The following IFRD2 variants were observed in gnomAD, a reference collection of about 807,000 sequenced individuals.
The protein encoded by IFRD2 is interferon related developmental regulator 2.
A neutral mutation model predicts 49.2 loss-of-function variants in IFRD2; 35 were observed. The ratio of observed to expected loss-of-function variants is 0.71; its 90% CI spans 0.54 to 0.94. IFRD2 has a LOEUF of 0.94. Ranked by LOEUF, IFRD2 falls within the 40% of genes least tolerant of loss-of-function variation. The pLI is 0.00. For missense variants in IFRD2, 561 were observed against 591.6 expected (o/e 0.95, Z 0.54); for synonymous variants, 275 against 239.7 (o/e 1.15, Z -1.36).
chr3:50,289,703 A>G lies in IFRD2; in HGVS notation c.597+9T>C. The G allele has an allele frequency of 6.3e-7, 1 of 1,599,664 alleles. No homozygotes were observed. Among genetic ancestry groups the G allele is most frequent in the Non-Finnish European group, 8.5e-7 (1 of 1,173,536 alleles). Reference sequence around the variant, plus strand: ...GATGCTCTACCACCTGTGCCCAAAGACCCCTCACCTGGATGTCAGCGGCAG... The same window carrying G: ...GATGCTCTACCACCTGTGCCCAAAGGCCCCTCACCTGGATGTCAGCGGCAG... On this transcript the variant is annotated intron_variant, in intron 6 of 11. Coordinates refer to ENST00000417626, the MANE Select transcript of IFRD2 (RefSeq NM_006764.5).
At position 50,292,278 on chromosome 3, in the gene IFRD2, G is replaced by T. The variant is rs1553709916; in HGVS notation, c.-4C>A. On this transcript the variant is annotated 5_prime_UTR_variant, in exon 1 of 12. Coordinates refer to ENST00000417626, the MANE Select transcript of IFRD2 (RefSeq NM_006764.5). ...TGCCCTTACGGGCGCGAGGCATGCC[G>T]GGAACCGGGCGCGGGGGGCGCGGGG... The T allele has an allele frequency of 1.3e-6, 2 of 1,552,484 alleles. No individual in the cohort carries two copies. Among genetic ancestry groups the T allele is most frequent in the Non-Finnish European group, 1.7e-6 (2 of 1,153,470 alleles).
chr3:50,288,118 C>G lies in IFRD2; in HGVS notation c.*73G>C. ...TAAAGTGACAAATACTGGTGGAGAC[C>G]AGTTGTTGCACTGTCTTCTGTTAAA... is the stretch of plus-strand genomic sequence containing the variant. On this transcript the variant is annotated 3_prime_UTR_variant, in exon 12 of 12. Coordinates refer to ENST00000417626, the MANE Select transcript of IFRD2 (RefSeq NM_006764.5). The G allele has an allele frequency of 8.0e-7, 1 of 1,245,418 alleles. No homozygotes were observed. Among genetic ancestry groups the G allele is most frequent in the South Asian group, 1.2e-5 (1 of 80,034 alleles). The allele number at this position is 1,245,418 out of a possible 1,614,324, so 77.1% of individuals were successfully genotyped here.
intron 6 of IFRD2, 22 bp from the exon 7 acceptor site, chr3:50,289,650 G>C: frequency 6.3e-7 from 1 of 1,596,666 alleles, no homozygotes; most frequent in Non-Finnish European, 8.5e-7. Context: ...GAGAGGCAGG[G>C]GAGCTCAGAG....
In IFRD2 at chr3:50,288,138, G is replaced by C; in HGVS notation, c.*53C>G. ...GAGACCAGTTGTTGCACTGTCTTCT[G>C]TTAAAAATACGGACCAAGGGCATAG... On this transcript the variant is annotated 3_prime_UTR_variant, in exon 12 of 12. Coordinates refer to ENST00000417626, the MANE Select transcript of IFRD2 (RefSeq NM_006764.5). 1.4e-6 allele frequency: 2 copies of C among 1,461,296 alleles called. No individual in the cohort carries two copies. Among genetic ancestry groups the C allele is most frequent in the Non-Finnish European group, 9.5e-7 (1 of 1,049,722 alleles). The allele number at this position is 1,461,296 out of a possible 1,614,324, so 90.5% of individuals were successfully genotyped here. A position where few individuals can be genotyped will look rare whatever the true frequency, so the allele number is the denominator to read the frequency against.
At position 50,289,275 on chromosome 3, in the gene IFRD2, C is replaced by G; in HGVS notation, c.865G>C (p.Glu289Gln). The change falls in exon 8 of 12, where the codon GAG becomes CAG. Residue 289 changes from glutamate to glutamine, a missense_variant. Glu to Gln is a conservative substitution (Grantham distance 29). Transcript: ENST00000417626. ...AAGETIALLF[E>Q]LARDLEEEFV... Reference sequence around the variant, plus strand: ...CGCACCTCAAGGTCCCGGGCAAGCTCAAAGAGCAGTGCAATGGTTTCACCG... The same window carrying G: ...CGCACCTCAAGGTCCCGGGCAAGCTGAAAGAGCAGTGCAATGGTTTCACCG... The G allele has an allele frequency of 6.3e-7, 1 of 1,584,632 alleles. No individual in the cohort carries two copies. Among genetic ancestry groups the G allele is most frequent in the Non-Finnish European group, 8.6e-7 (1 of 1,165,666 alleles).
Position 50,292,392 on chromosome 3 carries a change from G to C in IFRD2, c.-118C>G, listed in dbSNP as rs782478069. 6.3e-7 allele frequency: 1 copy of C among 1,587,040 alleles called. No individual in the cohort carries two copies. The highest frequency in any genetic ancestry group is 8.5e-7 in the Non-Finnish European group (1 of 1,172,488). ...CTTGGCCAGACGACGGGAGCCACAC[G>C]CCACGCGCGCCACCATCTTCGCGAG... is the stretch of plus-strand genomic sequence containing the variant. On this transcript the variant is annotated 5_prime_UTR_variant, in exon 1 of 12. Coordinates refer to ENST00000417626, the MANE Select transcript of IFRD2 (RefSeq NM_006764.5).
At chr3:50,291,321 T>G (rs916196736) in intron 1 of IFRD2, among the ~76,000 whole-genome samples, 1 of 152,152 alleles carries the variant, frequency 6.6e-6, no homozygotes, top group East Asian at 1.9e-4. Context: ...GCTCCCATTT[T>G]ATCTTACTAT....
In IFRD2 at chr3:50,290,591, G is replaced by C. The variant is rs370637019; in HGVS notation, c.147C>G (p.Ser49Arg). Residue 49 changes from serine (S) to arginine (R), a missense_variant, in exon 2 of 12, where the codon AGC becomes AGG. Transcript: ENST00000417626. ...EARSTASECP[S>R]LLSTTAEDSL... ...TGTCCTCTGCAGTGGTGCTGAGAAG[G>C]CTGGGGCATTCACTGGCGGTGCTGC... 3 of 1,613,994 alleles carry C rather than the reference G, an allele frequency of 1.9e-6. No individual in the cohort carries two copies. Among genetic ancestry groups the C allele is most frequent in the South Asian group, 2.2e-5 (2 of 91,060 alleles).
In IFRD2 at chr3:50,289,585, C is replaced by G. The variant is rs781995441; in HGVS notation, c.641G>C (p.Arg214Pro). ...GGAGCTGCCCCCCAAGCCATAGAAC[C>G]GGCTGAAAACACTTTCTAAGCAGGC... is the stretch of plus-strand genomic sequence containing the variant. Reference protein sequence around the residue: ...CLACLESVFSRFYGLGGSSTS... With the variant: ...CLACLESVFSPFYGLGGSSTS... Residue 214 changes from arginine (R) to proline (P), a missense_variant, in exon 7 of 12, where the codon CGG becomes CCG. By Grantham distance (103) the Arg-to-Pro change is moderately radical. Transcript: ENST00000417626. 6.3e-7 allele frequency: 1 copy of G among 1,590,514 alleles called. No individual in the cohort carries two copies. The highest frequency in any genetic ancestry group is 1.1e-5 in the South Asian group (1 of 87,444).
intron 7 of IFRD2, 34 bp downstream of exon 7, chr3:50,289,413 T>TC (rs1553709269): frequency 6.4e-7 from 1 of 1,568,454 alleles, no homozygotes; most frequent in Admixed American, 1.9e-5. Flanking sequence ...CTCTTTGAGA[T>TC]CCCCTCCCCC....
intron 1 of IFRD2, 95 bp downstream of exon 1, chr3:50,292,121 GT>G (rs1701688595): frequency 7.7e-7 from 1 of 1,299,584 alleles, no homozygotes; most frequent in Non-Finnish European, 1.0e-6. Flanking sequence ...GGCCGAGGGG[GT>G]TCCCCACCCA....
chr3:50,290,609 G>A lies in IFRD2; in HGVS notation c.129C>T (p.Thr43=), dbSNP rs782434636. Residue 43 remains threonine, a synonymous_variant, in exon 2 of 12, where the codon ACC becomes ACT. Coordinates refer to ENST00000417626, the MANE Select transcript of IFRD2 (RefSeq NM_006764.5). The part of the protein sequence containing the change: ...DDEAASEARS[T]ASECPSLLST... ...TGAGAAGGCTGGGGCATTCACTGGC[G>A]GTGCTGCGGGCCTCACTGGCTGCCT... 1.5e-5 allele frequency: 24 copies of A among 1,613,848 alleles called. No homozygotes were observed. The African/African-American group carries it at 1.7e-4, about 12-fold the overall frequency.
rs1553709337 is a variant in IFRD2, at chr3:50,289,544, G to A, written c.682C>T (p.Pro228Ser). 2 of 1,580,850 alleles carry A rather than the reference G, an allele frequency of 1.3e-6. No homozygotes were observed. Among genetic ancestry groups the A allele is most frequent in the East Asian group, 4.7e-5 (2 of 42,764 alleles). The change falls in exon 7 of 12, where the codon CCT becomes TCT. Residue 228 changes from proline (P) to serine (S), a missense_variant. Pro to Ser is a moderately conservative substitution (Grantham distance 74). Coordinates refer to ENST00000417626, the MANE Select transcript of IFRD2 (RefSeq NM_006764.5). ...LGGSSTSPVV[P>S]ASLHGLLSAA... ...GAGAGCAGGCCGTGCAGGCTGGCAGGAACCACAGGACTTGTGGAGCTGCCC... is the reference window on the plus strand; with the variant it reads ...GAGAGCAGGCCGTGCAGGCTGGCAGAAACCACAGGACTTGTGGAGCTGCCC...
Position 50,290,086 on chromosome 3 carries a change from C to T in IFRD2, c.389G>A (p.Gly130Glu). 1 of 1,613,562 alleles carries T rather than the reference C, an allele frequency of 6.2e-7. No homozygotes were observed. The highest frequency in any genetic ancestry group is 1.1e-5 in the South Asian group (1 of 91,014). Reference sequence around the variant, plus strand: ...AGCCAGGGCTTGTTCCTCGCCCTTCCCTGTGGGATGCTTTCCAGTCAGCCC... The same window carrying T: ...AGCCAGGGCTTGTTCCTCGCCCTTCTCTGTGGGATGCTTTCCAGTCAGCCC... ...ADALEKCLKK[G>E]KGEEQALAAA... The change falls in exon 5 of 12, where the codon GGG becomes GAG. Residue 130 changes from glycine to glutamate, a missense_variant and splice_region_variant. Physicochemically the swap from Gly to Glu is moderately conservative, Grantham distance 98. Transcript: ENST00000417626.
chr3:50,292,077 G>T, intron 1 of IFRD2, 140 bp downstream of exon 1: 1 of 934,090 alleles, frequency 1.1e-6, no homozygotes, highest in Non-Finnish European at 1.5e-6. Flanking sequence ...GCACGTGCCA[G>T]CCTCGGTAGA....
At position 50,288,470 on chromosome 3, in the gene IFRD2, C is replaced by T. The variant is rs782342919; in HGVS notation, c.1187G>A (p.Gly396Asp). 1.2e-6 allele frequency: 2 copies of T among 1,613,870 alleles called. No homozygotes were observed. Among genetic ancestry groups the T allele is most frequent in the East Asian group, 4.5e-5 (2 of 44,880 alleles). The change falls in exon 11 of 12, where the codon GGC becomes GAC. Residue 396 changes from glycine (G) to aspartate (D), a missense_variant. By Grantham distance (94) the Gly-to-Asp change is moderately conservative. Transcript: ENST00000417626. ...AGTGGCATCCAGCAACAGCACAGGG[C>T]CCAGGCCAAAGATGTCACGGAGTAG... The part of the protein sequence containing the change: ...NELLRDIFGL[G>D]PVLLLDATAL...
rs1701695709 is a variant in IFRD2, at chr3:50,292,337, C to A, written c.-63G>T. The A allele has an allele frequency of 6.4e-7, 1 of 1,565,566 alleles. No individual in the cohort carries two copies. On this transcript the variant is annotated 5_prime_UTR_variant, in exon 1 of 12. Coordinates refer to ENST00000417626, the MANE Select transcript of IFRD2 (RefSeq NM_006764.5). Reference sequence around the variant, plus strand: ...CCGGTGGGTGTGGGCTCCAGGCCAACGAGACGCCGGCCGGTGCGCTGCGCT... The same window carrying A: ...CCGGTGGGTGTGGGCTCCAGGCCAAAGAGACGCCGGCCGGTGCGCTGCGCT...
intron 1 of IFRD2, among the ~76,000 whole-genome samples, chr3:50,291,259 C>G (rs1553709779): frequency 1.3e-5 from 2 of 152,182 alleles, no homozygotes; most frequent in African/African-American, 2.4e-5. Flanking sequence ...ATCTGCCTGC[C>G]TTGGCCTCCC....
chr3:50,289,667 T>A (rs1575490687), intron 6 of IFRD2, 39 bp from the exon 7 acceptor site: 2 of 1,593,960 alleles, frequency 1.3e-6, no homozygotes, highest in African/African-American at 2.7e-5. Flanking sequence ...AGAGGCAGAG[T>A]TACAGCCCTA....
Sources: gnomAD v4.1 joint callset for allele counts (sites outside exome capture counted in the v4.1 genomes callset) on GRCh38, gnomAD v4.1.1 for gene constraint, MANE v1.5 for transcripts, NCBI Gene and HGNC (gene_info 2026-07-23, HGNC 2026-07-21) for gene names.